The following RYR1 variants were observed in gnomAD, a reference collection of about 807,000 sequenced individuals.
The protein encoded by RYR1 is central core disease of muscle.
In RYR1, 342 loss-of-function variants were observed where a neutral mutation model predicts 583.5. That is an observed-to-expected ratio of 0.59 (90% CI 0.54 to 0.64). The LOEUF is 0.64. Among genes scored for constraint, RYR1 ranks in the 30% least tolerant of loss-of-function variants. The pLI is 0.00. For missense variants in RYR1, 6,032 were observed against 6,917.2 expected (o/e 0.87, Z 4.54); for synonymous variants, 2,791 against 2,822.5 (o/e 0.99, Z 0.35).
chr19:38,502,713 C>T lies in RYR1; in HGVS notation c.7821C>T (p.Leu2607=), dbSNP rs1394807228. 20 of 1,528,520 alleles carry T rather than the reference C, an allele frequency of 1.3e-5. No individual in the cohort carries two copies. The highest frequency in any genetic ancestry group is 1.8e-4 in the Middle Eastern group (1 of 5,664). 94.7% of individuals were successfully genotyped at this position (1,528,520 alleles called of 1,614,324 possible). Reference sequence around the variant, plus strand: ...AGCGTGACGTCATCGAGGACTGCCTCATGTCGCTCTGCAGGTGGAGCGGGG... The same window carrying T: ...AGCGTGACGTCATCGAGGACTGCCTTATGTCGCTCTGCAGGTGGAGCGGGG... ...KAQRDVIEDC[L]MSLCRYIRPS... is the part of the protein sequence containing the mutation. Residue 2607 remains leucine (L), a synonymous_variant, in exon 48 of 106, where the codon CTC becomes CTT. Transcript: ENST00000359596.
chr19:38,583,197 T>C (rs1383959002), intron 101 of RYR1, among the ~76,000 whole-genome samples: 1 of 150,814 alleles, frequency 6.6e-6, no homozygotes, highest in African/African-American at 2.4e-5. Context: ...CCTGGGAGGC[T>C]GAGGCAGGAG....
intron 88 of RYR1, among the ~76,000 whole-genome samples, chr19:38,546,946 T>G (rs1355207668): frequency 1.3e-5 from 2 of 149,460 alleles, no homozygotes; most frequent in African/African-American, 4.9e-5. Flanking sequence ...AGCAAGACCC[T>G]GTCTCAAAAA....
At chr19:38,542,223 G>T (rs1329917812) in intron 84 of RYR1, among the ~76,000 whole-genome samples, 3 of 151,954 alleles carry the variant, frequency 2.0e-5, no homozygotes, top group Non-Finnish European at 4.4e-5. Context: ...TGAGGATGTA[G>T]TATACACTCA....
chr19:38,558,362 C>T (rs1321853457), intron 89 of RYR1, among the ~76,000 whole-genome samples: 1 of 152,142 alleles, frequency 6.6e-6, no homozygotes, highest in African/African-American at 2.4e-5. Flanking sequence ...TAGACTGTAA[C>T]ACAAAGAAAG....
intron 78 of RYR1, 142 bp downstream of exon 78, chr19:38,532,878 A>C (rs958433425): frequency 7.6e-6 from 6 of 788,330 alleles, no homozygotes; most frequent in South Asian, 1.6e-5. Context: ...AGACAGATAC[A>C]CCCGCCAAAC....
At chr19:38,524,186 CAAAAA>C (rs56388141) in intron 70 of RYR1, among the ~76,000 whole-genome samples, 1 of 84,134 alleles carries the variant, frequency 1.2e-5, no homozygotes, top group Non-Finnish European at 2.4e-5. Context: ...CTTTTGTTCC[CAAAAA>C]AAAAAAAAAA....
Position 38,537,902 on chromosome 19 carries a change from T to G in RYR1, c.11631T>G (p.Asp3877Glu), listed in dbSNP as rs1273529085. Reference sequence around the variant, plus strand: ...TAGGAGAGAAGGTCATGGCGGATGATGAATTCACACAAGACCTGTTCCGAT... The same window carrying G: ...TAGGAGAGAAGGTCATGGCGGATGAGGAATTCACACAAGACCTGTTCCGAT... ...RQNGEKVMAD[D>E]EFTQDLFRFL... The change falls in exon 84 of 106, where the codon GAT becomes GAG. Residue 3877 changes from aspartate to glutamate, a missense_variant. This residue lies in a region of RYR1 where 1,493 missense variants were observed against 1,715.5 expected (regional missense o/e 0.87). Transcript: ENST00000359596. 6.2e-7 allele frequency: 1 copy of G among 1,614,004 alleles called. No individual in the cohort carries two copies. The highest frequency in any genetic ancestry group is 2.2e-5 in the East Asian group (1 of 44,872).
Position 38,548,312 on chromosome 19 carries a change from C to G in RYR1, c.12174C>G (p.Leu4058=). The G allele has an allele frequency of 6.2e-7, 1 of 1,614,230 alleles. No individual in the cohort carries two copies. The highest frequency in any genetic ancestry group is 1.7e-5 in the Admixed American group (1 of 60,018). Residue 4058 remains leucine, a synonymous_variant, in exon 89 of 106, where the codon CTC becomes CTG. Transcript: ENST00000359596. ...VESSSNVEMI[L]KFFDMFLKLK... Reference sequence around the variant, plus strand: ...CCTCATCCAATGTGGAGATGATCCTCAAGTTCTTCGACATGTTCCTGAAAC... The same window carrying G: ...CCTCATCCAATGTGGAGATGATCCTGAAGTTCTTCGACATGTTCCTGAAAC...
chr19:38,469,226 C>T, intron 26 of RYR1, 79 bp from the exon 27 acceptor site: 1 of 1,605,480 alleles, frequency 6.2e-7, no homozygotes, highest in East Asian at 2.2e-5. Context: ...TCCAACTCTC[C>T]CATCCCTACC....
rs376149732 is a variant in RYR1, at chr19:38,460,461, C to T, written c.2447C>T (p.Pro816Leu). Reference sequence around the variant, plus strand: ...GCTCCATGCCATGAGGCTGTGCTCCCTCGAGAGCGACTCCATCTTGAACCC... The same window carrying T: ...GCTCCATGCCATGAGGCTGTGCTCCTTCGAGAGCGACTCCATCTTGAACCC... Reference protein sequence around the residue: ...GYAPCHEAVLPRERLHLEPIK... With the variant: ...GYAPCHEAVLLRERLHLEPIK... The change falls in exon 20 of 106, where the codon CCT becomes CTT. Residue 816 changes from proline to leucine, a missense_variant. Around this residue, in one of 11 missense-constraint regions of RYR1, gnomAD observed 2,627 missense variants for 2,961.3 expected, o/e 0.89. Coordinates refer to ENST00000359596, the MANE Select transcript of RYR1 (RefSeq NM_000540.3). The T allele has an allele frequency of 6.7e-5, 108 of 1,614,124 alleles. No homozygotes were observed. The highest frequency in any genetic ancestry group is 1.6e-4 in the East Asian group (7 of 44,892).
In RYR1 at chr19:38,496,476, G is replaced by C. The variant is rs551314025; in HGVS notation, c.6731G>C (p.Arg2244Pro). 4 of 1,613,650 alleles carry C rather than the reference G, an allele frequency of 2.5e-6. No homozygotes were observed. The South Asian group carries it at 4.4e-5, about 18-fold the overall frequency. Residue 2244 changes from arginine to proline, a missense_variant, in exon 41 of 106, where the codon CGG becomes CCG. Arg to Pro is a moderately radical substitution (Grantham distance 103). Transcript: ENST00000359596. This position sits in a 1 kb window ranked among gnomAD's most constrained non-coding sequence, Gnocchi z 4.8. ...RFLCYFCRIS[R>P]QNQRSMFDHL... is the part of the protein sequence containing the mutation. ...CTCTGCTATTTCTGCCGAATCAGCC[G>C]GCAGAACCAGCGCTCCATGTTTGAC...
At chr19:38,559,839 G>C (rs12327672) in intron 89 of RYR1, among the ~76,000 whole-genome samples, 7,855 of 151,992 alleles carry the variant, frequency 0.052, 253 homozygotes, top group Middle Eastern at 0.068. Flanking sequence ...TTAGCAATGC[G>C]TAACTCGTGA....
In RYR1 at chr19:38,534,961, C is replaced by T. The variant is rs1971902684; in HGVS notation, c.11359+142C>T. On this transcript the variant is annotated intron_variant, in intron 79 of 105. Transcript: ENST00000359596. ...GCACACCCCAGCCCTTGCAGCTTCC[C>T]CTTGTATACCTGCCTTGCAATTTCT... 4 of 1,089,770 alleles carry T rather than the reference C, an allele frequency of 3.7e-6. 1 individual carries two copies. The highest frequency in any genetic ancestry group is 2.7e-5 in the South Asian group (2 of 74,072). The allele number at this position is 1,089,770 out of a possible 1,614,324, so 67.5% of individuals were successfully genotyped here.
At position 38,572,062 on chromosome 19, in the gene RYR1, C is replaced by T. The variant is rs1048118323; in HGVS notation, c.13790C>T (p.Ala4597Val). The change falls in exon 95 of 106, where the codon GCT becomes GTT. Residue 4597 changes from alanine to valine, a missense_variant. This residue lies in a region of RYR1 where 35 missense variants were observed against 66.0 expected (regional missense o/e 0.53). Coordinates refer to ENST00000359596, the MANE Select transcript of RYR1 (RefSeq NM_000540.3). ...GGGGAGGACGACATGGAAGGCTCAG[C>T]TGCTGGGGATGTGTCAGGTGCAGGC... ...PPGEDDMEGSAAGDVSGAGSG... is the reference protein window; with the variant it reads ...PPGEDDMEGSVAGDVSGAGSG... The T allele has an allele frequency of 1.2e-6, 2 of 1,614,146 alleles. No individual in the cohort carries two copies. The highest frequency in any genetic ancestry group is 1.6e-4 in the Middle Eastern group (1 of 6,062).
In RYR1 at chr19:38,443,551, C is replaced by G. The variant is rs192495718; in HGVS notation, c.271-7C>G. ...GTGCTTATTCTGTTCCCTCCCTCCC[C>G]CTGCAGTCATCCCAGGGCGGGGGAC... is the stretch of plus-strand genomic sequence containing the variant. On this transcript the variant is annotated splice_region_variant and splice_polypyrimidine_tract_variant and intron_variant, in intron 3 of 105. Coordinates refer to ENST00000359596, the MANE Select transcript of RYR1 (RefSeq NM_000540.3). 4.3e-4 allele frequency: 698 copies of G among 1,613,588 alleles called. 1 individual carries two copies. In the African/African-American group the frequency reaches 5.9e-3, roughly 14 times the overall value.
chr19:38,512,231 C>T lies in RYR1; in HGVS notation c.9234-14C>T, dbSNP rs762022473. ...TCCGATTCCAGAGCTGATGTTCCCC[C>T]GCTGCCCTTCTAGGACAGTGATGAA... On this transcript the variant is annotated splice_polypyrimidine_tract_variant and intron_variant, in intron 62 of 105. Transcript: ENST00000359596. This position sits in a 1 kb window ranked among gnomAD's most constrained non-coding sequence, Gnocchi z 5.1. 28 of 1,614,056 alleles carry T rather than the reference C, an allele frequency of 1.7e-5. No individual in the cohort carries two copies. The highest frequency in any genetic ancestry group is 8.0e-5 in the African/African-American group (6 of 74,932).
Position 38,483,947 on chromosome 19 carries a change from C to T in RYR1, c.4934+431C>T, listed in dbSNP as rs746012390. 3.9e-5 allele frequency among the ~76,000 whole-genome samples: 6 copies of T among 152,012 alleles called. No homozygotes were observed. Among genetic ancestry groups the T allele is most frequent in the East Asian group, 3.9e-4 (2 of 5,176 alleles). On this transcript the variant is annotated intron_variant, in intron 33 of 105. Transcript: ENST00000359596. The surrounding 1 kb of genome is among the most constrained non-coding windows in gnomAD (Gnocchi z 6.3). The stretch of plus-strand genomic sequence containing the variant: ...TGCAGGGAGGCTTTAAGAAGAATCC[C>T]GTGGATATTTCAAACCCACCCCAGG...
intron 66 of RYR1, among the ~76,000 whole-genome samples, chr19:38,518,043 C>T (rs929387597): frequency 1.3e-5 from 2 of 152,016 alleles, no homozygotes; most frequent in African/African-American, 4.8e-5. Context: ...CTCTTGAGCC[C>T]AGGAGTTGGA....
At chr19:38,557,978 A>AAAAAT (rs1190527849) in intron 89 of RYR1, among the ~76,000 whole-genome samples, 1 of 152,008 alleles carries the variant, frequency 6.6e-6, no homozygotes, top group African/African-American at 2.4e-5. Context: ...AGACTCTCTC[A>AAAAAT]AAAATAAAAT....
Sources: allele counts gnomAD v4.1 joint callset (sites outside exome capture counted in the v4.1 genomes callset), GRCh38; gene constraint gnomAD v4.1.1; regional missense constraint gnomAD v4.1.1; non-coding constraint Gnocchi (gnomAD v3.1); transcripts MANE v1.5; gene names NCBI Gene and HGNC (gene_info 2026-07-23, HGNC 2026-07-21).